Variants in ASNS observed in about 807,000 individuals in gnomAD.
ASNS encodes the protein asparagine synthetase (glutamine-hydrolyzing).
ASNS carries 37 observed loss-of-function variants against 62.6 expected under a neutral mutation model. The ratio of observed to expected loss-of-function variants is 0.59; its 90% CI spans 0.45 to 0.78. The LOEUF is 0.78. ASNS is among the 30% of genes least tolerant of loss of function. ASNS has a pLI of 0.00. For synonymous variants in ASNS, 207 were observed against 237.9 expected, an observed-to-expected ratio of 0.87 and a Z score of 1.19; for missense variants, 520 against 682.4, an observed-to-expected ratio of 0.76 and a Z score of 2.65.
chr7:97,855,925 T>G (rs1255522036), intron 8 of ASNS, among the ~76,000 whole-genome samples: 1 of 152,238 alleles, frequency 6.6e-6, no homozygotes, highest in Non-Finnish European at 1.5e-5. Context: ...TTATTAAACT[T>G]GCCTCCTTGG....
the ASNS span, among the ~76,000 whole-genome samples, chr7:97,905,571 T>C: frequency 6.6e-6 from 1 of 152,128 alleles, no homozygotes; most frequent in Non-Finnish European, 1.5e-5. Context: ...CCAACACCCA[T>C]CCCTAGGGGT....
chr7:97,902,409 T>C, the ASNS span, among the ~76,000 whole-genome samples: 2 of 152,140 alleles, frequency 1.3e-5, no homozygotes, highest in Non-Finnish European at 2.9e-5. Context: ...CACAGTACTT[T>C]TCTTACAAAC....
At chr7:97,896,741 C>T in the ASNS span, among the ~76,000 whole-genome samples, 2,763 of 18,988 alleles carry the variant, frequency 0.15, 269 homozygotes, top group East Asian at 0.25. Flanking sequence ...CACACACACA[C>T]ATATATATAT....
rs758717588 is a variant in ASNS at position 97,868,992 on chromosome 7, C to G, written c.165G>C (p.Pro55=). 1.2e-6 allele frequency: 2 copies of G among 1,614,170 alleles called. No individual in the cohort carries two copies. The highest frequency in any genetic ancestry group is 1.7e-5 in the Admixed American group (1 of 60,020). ...CTCGAATTGGCTGCATTCCAAACAG[C>G]GGGTCAACTACCGCCAACCGGTGAA... The part of the protein sequence containing the change: ...FGFHRLAVVD[P]LFGMQPIRVK... The change falls in exon 3 of 13, where the codon CCG becomes CCC. Residue 55 remains proline, a synonymous_variant. Coordinates refer to ENST00000394308, the MANE Select transcript of ASNS (RefSeq NM_001673.5).
the ASNS span, among the ~76,000 whole-genome samples, chr7:97,907,768 C>CA: frequency 0.84 from 116,044 of 138,384 alleles, 48,600 homozygotes; most frequent in Middle Eastern, 0.91. Flanking sequence ...GACTCCATCT[C>CA]AAAAAAAAAA....
the ASNS span, among the ~76,000 whole-genome samples, chr7:97,881,378 C>A: frequency 6.6e-6 from 1 of 151,394 alleles, no homozygotes; most frequent in Non-Finnish European, 1.5e-5. Flanking sequence ...TCATTAACAC[C>A]CCCCGCCCCC....
At chr7:97,876,990 A>G (rs1490175355), upstream of ASNS, among the ~76,000 whole-genome samples, 1 of 152,186 alleles carries the variant, frequency 6.6e-6, no homozygotes, top group African/African-American at 2.4e-5. Flanking sequence ...CTCACTTGTT[A>G]CAAATGGGGT....
the ASNS span, among the ~76,000 whole-genome samples, chr7:97,910,866 C>T: frequency 6.6e-6 from 1 of 152,170 alleles, no homozygotes; most frequent in Admixed American, 6.5e-5. Context: ...TCCCAAAGTG[C>T]TGGGATTACA....
intron 4 of ASNS, among the ~76,000 whole-genome samples, chr7:97,860,723 T>A (rs1791674245): frequency 6.6e-6 from 1 of 152,226 alleles, no homozygotes; most frequent in African/African-American, 2.4e-5. Flanking sequence ...AGGTAAGGGA[T>A]AAAAGATAAA....
the ASNS span, among the ~76,000 whole-genome samples, chr7:97,924,799 G>A: frequency 6.6e-5 from 10 of 152,380 alleles, no homozygotes; most frequent in South Asian, 1.9e-3. Flanking sequence ...CAAGCCAAAT[G>A]TAAAAAGATA....
At chr7:97,895,824 A>T in the ASNS span, among the ~76,000 whole-genome samples, 3 of 152,146 alleles carry the variant, frequency 2.0e-5, no homozygotes, top group Admixed American at 6.5e-5. Flanking sequence ...TTAAAAACGG[A>T]TGTATAATTC....
At chr7:97,879,898 T>C in the ASNS span, among the ~76,000 whole-genome samples, 1 of 152,220 alleles carries the variant, frequency 6.6e-6, no homozygotes, top group Non-Finnish European at 1.5e-5. Context: ...AACCTGGATT[T>C]AAGCTCTGAT....
At chr7:97,854,927 C>A in intron 9 of ASNS, 2 of 531,290 alleles carry the variant, frequency 3.8e-6, no homozygotes, top group Non-Finnish European at 6.3e-6. Context: ...TAAGAAATGG[C>A]AGAAAGGGGA....
At chr7:97,923,791 T>C in the ASNS span, among the ~76,000 whole-genome samples, 1 of 152,174 alleles carries the variant, frequency 6.6e-6, no homozygotes, top group Non-Finnish European at 1.5e-5. Flanking sequence ...TCACCTCCAG[T>C]ACCTGATAGG....
At chr7:97,867,128 G>A (rs1046375719) in intron 3 of ASNS, among the ~76,000 whole-genome samples, 5 of 123,756 alleles carry the variant, frequency 4.0e-5, no homozygotes, top group South Asian at 2.7e-4. Flanking sequence ...GCCTCCTGAC[G>A]TCATGCTGTC....
At chr7:97,854,980 T>C (rs1791364819) in intron 9 of ASNS, 2 of 356,380 alleles carry the variant, frequency 5.6e-6, no homozygotes, top group Non-Finnish European at 9.9e-6. Context: ...TTTAACTTTT[T>C]TTTTTTTTTT....
At chr7:97,913,532 TTGAG>T in the ASNS span, among the ~76,000 whole-genome samples, 11 of 152,120 alleles carry the variant, frequency 7.2e-5, no homozygotes, top group African/African-American at 2.4e-4. Context: ...CTAATCTCTA[TTGAG>T]TGTCGATGAT....
At chr7:97,889,927 C>CAAAAAAAAAAAAAA in the ASNS span, among the ~76,000 whole-genome samples, 726 of 38,576 alleles carry the variant, frequency 0.019, 3 homozygotes, top group Admixed American at 0.022. Flanking sequence ...ATAATGAATA[C>CAAAAAAAAAAAAAA]AAAAAAAAAA....
upstream of ASNS, among the ~76,000 whole-genome samples, chr7:97,877,184 T>A (rs1455602362): frequency 6.6e-6 from 1 of 150,538 alleles, no homozygotes; most frequent in African/African-American, 2.4e-5. Context: ...AACCTCCACC[T>A]CCTGGGTTCA....
Sources: allele counts gnomAD v4.1 joint callset (sites outside exome capture counted in the v4.1 genomes callset), GRCh38; gene constraint gnomAD v4.1.1; transcripts MANE v1.5; gene names NCBI Gene and HGNC (gene_info 2026-07-23, HGNC 2026-07-21).